Variants in EYS observed in about 807,000 individuals in gnomAD.
EYS encodes the protein protein eyes shut homolog.
EYS carries 250 observed loss-of-function variants against 282.1 expected under a neutral mutation model. The ratio of observed to expected loss-of-function variants is 0.89; its 90% confidence interval spans 0.80 to 0.98. EYS has a LOEUF of 0.98. EYS is among the 50% of genes least tolerant of loss of function. The pLI, the probability that EYS is intolerant of heterozygous loss-of-function variation, is 0.00. For missense variants in EYS, 4,016 were observed against 3,709.0 expected (o/e 1.08, Z -2.15); for synonymous variants, 1,355 against 1,282.9 (o/e 1.06, Z -1.20).
At chr6:63,771,853 G>A (rs1769932654) in intron 40 of EYS, among the ~76,000 whole-genome samples, 1 of 152,114 alleles carries the variant, frequency 6.6e-6, no homozygotes, top group Non-Finnish European at 1.5e-5. Context: ...TCTGACTATG[G>A]AAAGATAATT....
At chr6:64,082,343 G>T (rs1347876916) in intron 31 of EYS, among the ~76,000 whole-genome samples, 1 of 152,062 alleles carries the variant, frequency 6.6e-6, no homozygotes, top group African/African-American at 2.4e-5. Context: ...GCGATATTTT[G>T]TGATGTGAAG....
intron 26 of EYS, among the ~76,000 whole-genome samples, chr6:64,512,459 A>G (rs1212396303): frequency 6.6e-6 from 1 of 152,020 alleles, no homozygotes; most frequent in African/African-American, 2.4e-5. Context: ...TAATCATCAG[A>G]GAAAATCCTG....
chr6:64,897,418 A>T lies in EYS; in HGVS notation c.2846+4695T>A, dbSNP rs185104726. Among the ~76,000 whole-genome samples, 13 of 152,290 alleles carry T rather than the reference A, an allele frequency of 8.5e-5. No homozygotes were observed. In the East Asian group the frequency reaches 2.5e-3, roughly 29 times the overall value. ...AAGCAATAGCATCAACATCAACAGA[A>T]AAGACGAACACGTGAAAACTCCCTC... On this transcript the variant is annotated intron_variant, in intron 18 of 42. Transcript: ENST00000503581.
intron 7 of EYS, among the ~76,000 whole-genome samples, chr6:65,397,076 T>C (rs1197602294): frequency 1.3e-5 from 2 of 151,890 alleles, no homozygotes; most frequent in East Asian, 1.9e-4. Flanking sequence ...CTCCCTCAAA[T>C]ATGAGTGTCC....
intron 12 of EYS, among the ~76,000 whole-genome samples, chr6:65,141,331 G>A (rs1764334576): frequency 6.6e-6 from 1 of 151,942 alleles, no homozygotes; most frequent in African/African-American, 2.4e-5. Flanking sequence ...ATCACATTCT[G>A]GGGACTGTTG....
At chr6:63,847,055 A>C (rs1772116732) in intron 36 of EYS, among the ~76,000 whole-genome samples, 1 of 152,210 alleles carries the variant, frequency 6.6e-6, no homozygotes, top group Non-Finnish European at 1.5e-5. Flanking sequence ...ACATTAAATA[A>C]TTCATATGTT....
chr6:64,037,813 G>C (rs1318686046), intron 33 of EYS, among the ~76,000 whole-genome samples: 1 of 152,100 alleles, frequency 6.6e-6, no homozygotes, highest in African/African-American at 2.4e-5. Context: ...TGAATTTTAT[G>C]CCTGCCTCAA....
chr6:64,593,209 GTA>G lies in EYS; in HGVS notation c.3783_3784del (p.Thr1262AsnfsTer5), dbSNP rs2149833339. ...GACCAAAGTCTCAGAAGGGGGAATT[GTA>G]TATGTCTGTGTGGAAATGGGATCTG... On this transcript the variant is annotated frameshift_variant, in exon 25 of 43. Coordinates refer to ENST00000503581, the MANE Select transcript of EYS (RefSeq NM_001142800.2). LOFTEE classifies it high-confidence loss of function. 6.4e-7 allele frequency: 1 copy of G among 1,550,512 alleles called. No individual in the cohort carries two copies. Among genetic ancestry groups the G allele is most frequent in the Non-Finnish European group, 8.7e-7 (1 of 1,146,326 alleles).
chr6:65,517,734 A>G (rs1767195782), intron 2 of EYS, among the ~76,000 whole-genome samples: 2 of 152,102 alleles, frequency 1.3e-5, no homozygotes, highest in African/African-American at 4.8e-5. Flanking sequence ...AGTAAAGGTA[A>G]GTACAGGCAT....
intron 22 of EYS, among the ~76,000 whole-genome samples, chr6:64,654,122 A>T (rs1768663147): frequency 6.6e-6 from 1 of 152,184 alleles, no homozygotes; most frequent in Admixed American, 6.5e-5. Flanking sequence ...TCAGGTTTTA[A>T]ATTGAAATAT....
intron 30 of EYS, among the ~76,000 whole-genome samples, chr6:64,298,053 A>G (rs1228947967): frequency 6.6e-6 from 1 of 152,114 alleles, no homozygotes; most frequent in African/African-American, 2.4e-5. Flanking sequence ...AAGATTGTTA[A>G]CACTGGACCT....
At chr6:63,978,278 C>A (rs996702775) in intron 35 of EYS, among the ~76,000 whole-genome samples, 1 of 151,948 alleles carries the variant, frequency 6.6e-6, no homozygotes, top group African/African-American at 2.4e-5. Context: ...GCTTTCCCCG[C>A]CACCTGTTTC....
chr6:64,713,656 A>C (rs555168450), intron 22 of EYS, among the ~76,000 whole-genome samples: 1 of 152,268 alleles, frequency 6.6e-6, no homozygotes, highest in African/African-American at 2.4e-5. Context: ...TGTTTTCAGA[A>C]GGGCAAGACT....
At chr6:64,884,042 G>C (rs1767006747) in intron 19 of EYS, among the ~76,000 whole-genome samples, 1 of 151,506 alleles carries the variant, frequency 6.6e-6, no homozygotes, top group Admixed American at 6.6e-5. Flanking sequence ...ATAAAATGAA[G>C]AAGTATCGAG....
At chr6:64,256,457 A>T (rs183069512) in intron 30 of EYS, among the ~76,000 whole-genome samples, 10 of 152,152 alleles carry the variant, frequency 6.6e-5, no homozygotes, top group Admixed American at 2.6e-4. Flanking sequence ...AACCACTTAT[A>T]CTGAAGAGGT....
chr6:64,299,292 G>A (rs1247835626), intron 30 of EYS, among the ~76,000 whole-genome samples: 1 of 152,226 alleles, frequency 6.6e-6, no homozygotes, highest in Non-Finnish European at 1.5e-5. Flanking sequence ...CAAAGCCTTT[G>A]TCATTAAATC....
At chr6:65,300,454 G>T (rs553409183) in intron 11 of EYS, among the ~76,000 whole-genome samples, 1 of 151,934 alleles carries the variant, frequency 6.6e-6, no homozygotes, top group Non-Finnish European at 1.5e-5. Context: ...TACTTTGAGG[G>T]CAGTAGTCTT....
chr6:65,677,737 C>T (rs549654260), intron 1 of EYS, among the ~76,000 whole-genome samples: 1 of 151,884 alleles, frequency 6.6e-6, no homozygotes, highest in Admixed American at 6.6e-5. Context: ...CAAAGGACCC[C>T]CAATAGCCAG....
At chr6:65,702,283 T>G (rs1250417615) in intron 1 of EYS, among the ~76,000 whole-genome samples, 1 of 152,362 alleles carries the variant, frequency 6.6e-6, no homozygotes, top group East Asian at 1.9e-4. Context: ...TCAAAATAAG[T>G]TGTAGTTTAT....
Sources: gnomAD v4.1 joint callset for allele counts (sites outside exome capture counted in the v4.1 genomes callset) on GRCh38, gnomAD v4.1.1 for gene constraint, MANE v1.5 for transcripts, NCBI Gene and HGNC (gene_info 2026-07-23, HGNC 2026-07-21) for gene names.